HESX1: variants seen among roughly 807,000 people sequenced by gnomAD.
The protein encoded by HESX1 is HESX homeobox 1, also known as homeobox expressed in ES cells 1.
Under a neutral mutation model 22.5 loss-of-function variants are expected in HESX1, and 11 were observed. The observed-to-expected ratio is 0.49, with a 90% CI of 0.31 to 0.81. The LOEUF is 0.81. Ranked by LOEUF, HESX1 falls within the 30% of genes least tolerant of loss-of-function variation. The probability of loss-of-function intolerance (pLI) is 0.05; values close to 1 mark genes in which losing one functional copy is unlikely to be tolerated. For missense variants in HESX1, 201 were observed against 212.6 expected, an observed-to-expected ratio of 0.95 and a Z score of 0.34; for synonymous variants, 74 against 76.5, an observed-to-expected ratio of 0.97 and a Z score of 0.17.
In HESX1 at chr3:57,198,298, A is replaced by T; in HGVS notation, c.460-3T>A. On this transcript the variant is annotated splice_polypyrimidine_tract_variant and splice_region_variant and intron_variant, in intron 3 of 3. Transcript: ENST00000295934. Reference sequence around the variant, plus strand: ...GCACGCCGATTTTGAAACCAAATCTAAAGTTAAGGAAAAATAAAATAGGTC... The same window carrying T: ...GCACGCCGATTTTGAAACCAAATCTTAAGTTAAGGAAAAATAAAATAGGTC... 6.2e-7 allele frequency: 1 copy of T among 1,606,584 alleles called. No homozygotes were observed. The highest frequency in any genetic ancestry group is 8.5e-7 in the Non-Finnish European group (1 of 1,173,358).
intron 1 of HESX1, among the ~76,000 whole-genome samples, chr3:57,222,490 C>G (rs2060621047): frequency 6.6e-6 from 1 of 152,152 alleles, no homozygotes; most frequent in Non-Finnish European, 1.5e-5. Context: ...AATTCCTGGG[C>G]TCAAGCGATC....
intron 1 of HESX1, among the ~76,000 whole-genome samples, chr3:57,209,671 C>CAAAAA (rs71088042): frequency 2.4e-3 from 194 of 80,872 alleles, no homozygotes; most frequent in African/African-American, 2.7e-3. Context: ...AGCTCCATCT[C>CAAAAA]AAAAAAAAAA....
At chr3:57,220,837 G>A (rs2060611643) in intron 1 of HESX1, among the ~76,000 whole-genome samples, 1 of 152,148 alleles carries the variant, frequency 6.6e-6, no homozygotes, top group African/African-American at 2.4e-5. Flanking sequence ...TAGGGTAAGA[G>A]CCAAAGTCCT....
At chr3:57,220,223 G>A (rs1000105810) in intron 1 of HESX1, among the ~76,000 whole-genome samples, 35 of 152,104 alleles carry the variant, frequency 2.3e-4, no homozygotes, top group African/African-American at 8.5e-4. Flanking sequence ...CCAATACCAT[G>A]CTGTTTTGGT....
chr3:57,216,115 C>T (rs2060581148), intron 1 of HESX1, among the ~76,000 whole-genome samples: 1 of 152,174 alleles, frequency 6.6e-6, no homozygotes, highest in African/African-American at 2.4e-5. Context: ...ATGTAATCAT[C>T]AAACCCCATC....
At chr3:57,222,579 A>G (rs34701800) in intron 1 of HESX1, among the ~76,000 whole-genome samples, 2 of 152,124 alleles carry the variant, frequency 1.3e-5, no homozygotes, top group South Asian at 2.1e-4. Flanking sequence ...TTTTTCCCCA[A>G]TGATTTGACT....
chr3:57,209,257 G>A (rs970386824), intron 1 of HESX1, among the ~76,000 whole-genome samples: 1 of 152,164 alleles, frequency 6.6e-6, no homozygotes, highest in African/African-American at 2.4e-5. Context: ...ATGGCTAGCG[G>A]CTCCAAACAG....
At chr3:57,214,841 A>G (rs2060574948) in intron 1 of HESX1, among the ~76,000 whole-genome samples, 1 of 152,172 alleles carries the variant, frequency 6.6e-6, no homozygotes, top group Non-Finnish European at 1.5e-5. Flanking sequence ...ATGTGATTCC[A>G]ATATTTCTAG....
intron 1 of HESX1, among the ~76,000 whole-genome samples, chr3:57,217,135 A>G: frequency 6.6e-6 from 1 of 152,058 alleles, no homozygotes; most frequent in Admixed American, 6.6e-5. Context: ...GGAGCCCTCC[A>G]AGCTTCTTTT....
chr3:57,208,137 TGAG>T (rs2060530076), intron 1 of HESX1, among the ~76,000 whole-genome samples: 1 of 152,102 alleles, frequency 6.6e-6, no homozygotes, highest in African/African-American at 2.4e-5. Flanking sequence ...GGAAGAAAAA[TGAG>T]GAAACTTTTT....
intron 1 of HESX1, among the ~76,000 whole-genome samples, chr3:57,222,421 G>C (rs2060620657): frequency 2.0e-5 from 3 of 152,048 alleles, no homozygotes. Context: ...ACCACACCTG[G>C]CTAATTTTTA....
Position 57,198,497 on chromosome 3 carries a change from G to T in HESX1, c.358-5C>A. 1 of 1,492,266 alleles carries T rather than the reference G, an allele frequency of 6.7e-7. No individual in the cohort carries two copies. Among genetic ancestry groups the T allele is most frequent in the Non-Finnish European group, 9.2e-7 (1 of 1,082,562 alleles). The allele number at this position is 1,492,266 out of a possible 1,614,324, so 92.4% of individuals were successfully genotyped here. A position where few individuals can be genotyped will look rare whatever the true frequency, so the allele number is the denominator to read the frequency against. On this transcript the variant is annotated splice_region_variant and splice_polypyrimidine_tract_variant and intron_variant, in intron 2 of 3. Coordinates refer to ENST00000295934, the MANE Select transcript of HESX1 (RefSeq NM_003865.3). Reference sequence around the variant, plus strand: ...GACATTTTCTAACACTTCAATCTAAGAAAAAAAAATGTTGATATTCAGTAT... The same window carrying T: ...GACATTTTCTAACACTTCAATCTAATAAAAAAAAATGTTGATATTCAGTAT...
upstream of HESX1, among the ~76,000 whole-genome samples, chr3:57,202,390 C>T (rs1395188528): frequency 3.3e-5 from 5 of 152,068 alleles, no homozygotes; most frequent in East Asian, 1.9e-4. Flanking sequence ...GGCTGGAGTG[C>T]GGTGGCGTGA....
intron 1 of HESX1, among the ~76,000 whole-genome samples, chr3:57,208,732 G>A (rs569023211): frequency 8.6e-5 from 13 of 150,490 alleles, no homozygotes; most frequent in African/African-American, 2.7e-4. Flanking sequence ...AGGCCGAGGC[G>A]GGCGGATCAC....
At chr3:57,226,281 A>T (rs938181801) in intron 1 of HESX1, 25 of 152,136 alleles carry the variant, frequency 1.6e-4, no homozygotes, top group African/African-American at 5.8e-4. Flanking sequence ...CAGTTCAATC[A>T]GGAAGGTCAC....
chr3:57,213,931 A>C (rs888903470), intron 1 of HESX1, among the ~76,000 whole-genome samples: 4 of 152,310 alleles, frequency 2.6e-5, no homozygotes, highest in South Asian at 4.1e-4. Flanking sequence ...AAATAAACAA[A>C]TAAATAAACT....
intron 1 of HESX1, among the ~76,000 whole-genome samples, chr3:57,221,884 C>T (rs1156325260): frequency 2.6e-5 from 4 of 152,344 alleles, no homozygotes; most frequent in Non-Finnish European, 2.9e-5. Flanking sequence ...GGATTATAGG[C>T]ATGAGCCACT....
intron 1 of HESX1, among the ~76,000 whole-genome samples, chr3:57,224,533 G>A (rs2060632397): frequency 1.3e-5 from 2 of 152,120 alleles, no homozygotes; most frequent in Admixed American, 1.3e-4. Context: ...GTGGTTTGTG[G>A]ATTACCCACT....
intron 2 of HESX1, 103 bp from the exon 3 acceptor site, chr3:57,198,595 T>C (rs2060463201): frequency 1.9e-6 from 2 of 1,026,230 alleles, no homozygotes; most frequent in East Asian, 4.8e-5. Context: ...TCTGGATGCC[T>C]TTTTAAAAAT....
Sources: gnomAD v4.1 joint callset for allele counts (sites outside exome capture counted in the v4.1 genomes callset) on GRCh38, gnomAD v4.1.1 for gene constraint, MANE v1.5 for transcripts, NCBI Gene and HGNC (gene_info 2026-07-23, HGNC 2026-07-21) for gene names.